Variants in ZDHHC11 observed in about 807,000 individuals in gnomAD.
ZDHHC11 encodes palmitoyltransferase ZDHHC11.
ZDHHC11 carries 44 observed loss-of-function variants against 51.3 expected under a neutral mutation model. The ratio of observed to expected loss-of-function variants is 0.86; its 90% CI spans 0.67 to 1.10. The LOEUF is 1.10. Among genes scored for constraint, ZDHHC11 ranks in the 50% least tolerant of loss-of-function variants. The pLI, the probability that ZDHHC11 is intolerant of heterozygous loss-of-function variation, is 0.00. For synonymous variants in ZDHHC11, 163 were observed against 222.0 expected, an observed-to-expected ratio of 0.73 and a Z score of 2.36; for missense variants, 400 against 537.7, an observed-to-expected ratio of 0.74 and a Z score of 2.53.
At position 813,345 on chromosome 5, in the gene ZDHHC11, A is replaced by T. The variant is rs1373048948; in HGVS notation, c.1181+1416T>A. On this transcript the variant is annotated intron_variant, in intron 11 of 12. Transcript: ENST00000283441. ...CCTGTCTCAAAAAAATAAAAAAATA[A>T]AAAAATAAATGTTCCTCCATGATCC... is the stretch of plus-strand genomic sequence containing the variant. 9.2e-5 allele frequency among the ~76,000 whole-genome samples: 13 copies of T among 142,052 alleles called. 5 individuals are homozygous for T. The highest frequency in any genetic ancestry group is 2.9e-4 in the Admixed American group (4 of 13,762). 93.2% of individuals were successfully genotyped at this position (142,052 alleles called of 152,430 possible).
intron 3 of ZDHHC11, among the ~76,000 whole-genome samples, chr5:844,695 C>T (rs1379746910): frequency 6.6e-6 from 1 of 152,310 alleles, no homozygotes; most frequent in African/African-American, 2.4e-5. Flanking sequence ...AAAGGGAACT[C>T]GGGCTGAGGA....
At chr5:843,025 T>A (rs1298482913) in intron 4 of ZDHHC11, among the ~76,000 whole-genome samples, 1 of 152,270 alleles carries the variant, frequency 6.6e-6, no homozygotes, top group Admixed American at 6.5e-5. Context: ...TTCCCGAGGA[T>A]GCTGGCATCA....
chr5:846,859 C>CGCCCATCTGCGCTG (rs1746287000), intron 3 of ZDHHC11, among the ~76,000 whole-genome samples: 1 of 144,384 alleles, frequency 6.9e-6, no homozygotes, highest in African/African-American at 2.7e-5. Context: ...AAACACCTCT[C>CGCCCATCTGCGCTG]GTTCTTGCAC....
Position 817,404 on chromosome 5 carries a change from A to C in ZDHHC11, c.1146+2121T>G, listed in dbSNP as rs1220126280. 2.6e-5 allele frequency among the ~76,000 whole-genome samples: 4 copies of C among 151,526 alleles called. 1 individual carries two copies. Among genetic ancestry groups the C allele is most frequent in the Non-Finnish European group, 5.9e-5 (4 of 67,732 alleles). ...TGTGTTTCCTTGAAGAATTCAGGAC[A>C]CAACTCCTTCCGTATGACAGCTTTC... is the stretch of plus-strand genomic sequence containing the variant. On this transcript the variant is annotated intron_variant, in intron 10 of 12. Coordinates refer to ENST00000283441, the MANE Select transcript of ZDHHC11 (RefSeq NM_024786.3).
chr5:820,140 C>T (rs1048732883), intron 9 of ZDHHC11, among the ~76,000 whole-genome samples: 7 of 151,298 alleles, frequency 4.6e-5, no homozygotes, highest in East Asian at 3.9e-4. Flanking sequence ...TTTGTAATTC[C>T]GGTTATAGTT....
At chr5:854,893 CA>C (rs1437913684), upstream of ZDHHC11, among the ~76,000 whole-genome samples, 2 of 141,914 alleles carry the variant, frequency 1.4e-5, no homozygotes, top group Non-Finnish European at 3.0e-5. Flanking sequence ...GATAGCAAGC[CA>C]GGGGGTCAGA....
Position 795,952 on chromosome 5 carries a change from G to T in ZDHHC11, c.*636C>A, listed in dbSNP as rs1737512898. 6.6e-6 allele frequency: 1 copy of T among 152,298 alleles called. No homozygotes were observed. The highest frequency in any genetic ancestry group is 1.5e-5 in the Non-Finnish European group (1 of 67,800). The allele number at this position is 152,298 out of a possible 1,614,324, so 9.4% of individuals were successfully genotyped here. A position where few individuals can be genotyped will look rare whatever the true frequency, so the allele number is the denominator to read the frequency against. On this transcript the variant is annotated 3_prime_UTR_variant, in exon 13 of 13. Transcript: ENST00000283441. ...CAGTACTGTGTGCTCCCATTTCTCA[G>T]TACTGTATGCCCATTTCCCAGTACT... is the stretch of plus-strand genomic sequence containing the variant.
chr5:855,444 G>A (rs76952334), upstream of ZDHHC11, among the ~76,000 whole-genome samples: 1 of 147,386 alleles, frequency 6.8e-6, no homozygotes, highest in Admixed American at 6.7e-5. Context: ...CAGCGAGCCA[G>A]GGGGCACAGA....
rs551763959 is a variant in ZDHHC11 at position 836,836 on chromosome 5, G to A, written c.900+529C>T. On this transcript the variant is annotated intron_variant, in intron 6 of 12. Transcript: ENST00000283441. ...AGCACTTTCGGAGGCCAAGGCGGGCGGATCACCTGAGGCCAGAAGTTTGAG... is the reference window on the plus strand; with the variant it reads ...AGCACTTTCGGAGGCCAAGGCGGGCAGATCACCTGAGGCCAGAAGTTTGAG... 1.0e-3 allele frequency among the ~76,000 whole-genome samples: 151 copies of A among 149,998 alleles called. 15 individuals are homozygous for A. Among genetic ancestry groups the A allele is most frequent in the African/African-American group, 3.5e-3 (143 of 40,684 alleles).
intron 10 of ZDHHC11, among the ~76,000 whole-genome samples, chr5:815,848 C>T (rs776806573): frequency 6.6e-6 from 1 of 151,546 alleles, no homozygotes; most frequent in African/African-American, 2.4e-5. Flanking sequence ...TCCAACCATC[C>T]TTCTGCCTCC....
At chr5:806,704 G>T (rs536952389) in intron 11 of ZDHHC11, among the ~76,000 whole-genome samples, 1 of 151,298 alleles carries the variant, frequency 6.6e-6, no homozygotes, top group African/African-American at 2.4e-5. Flanking sequence ...AGAGTCCAGT[G>T]GAAAAATGGA....
rs182040838 is a variant in ZDHHC11 at position 806,678 on chromosome 5, A to C, written c.1182-5514T>G. 7.4e-4 allele frequency among the ~76,000 whole-genome samples: 112 copies of C among 151,486 alleles called. 3 individuals carry two copies. Among genetic ancestry groups the C allele is most frequent in the African/African-American group, 2.7e-3 (111 of 41,294 alleles). ...AGAATATATAAAAACTCTATAAATC[A>C]ATAAGAAAAGCACAAAGAGTCCAGT... is the stretch of plus-strand genomic sequence containing the variant. On this transcript the variant is annotated intron_variant, in intron 11 of 12. Transcript: ENST00000283441.
At chr5:847,048 C>T (rs1450170504) in intron 3 of ZDHHC11, among the ~76,000 whole-genome samples, 6 of 140,324 alleles carry the variant, frequency 4.3e-5, no homozygotes, top group African/African-American at 1.2e-4. Flanking sequence ...AGGGGAAACA[C>T]CTCTCGTCTA....
intron 12 of ZDHHC11, among the ~76,000 whole-genome samples, chr5:798,486 A>T (rs1401603466): frequency 6.6e-6 from 1 of 150,610 alleles, no homozygotes; most frequent in Non-Finnish European, 1.5e-5. Context: ...TTGCCACATG[A>T]CTAGAACCTC....
At chr5:856,620 GAAGC>G (rs1748291049) in intron 1 of ZDHHC11, among the ~76,000 whole-genome samples, 1 of 148,914 alleles carries the variant, frequency 6.7e-6, no homozygotes, top group Non-Finnish European at 1.5e-5. Flanking sequence ...ATATGCAACA[GAAGC>G]AAAACACACA....
chr5:831,118 C>G (rs1265930955), intron 7 of ZDHHC11, among the ~76,000 whole-genome samples: 1 of 149,014 alleles, frequency 6.7e-6, no homozygotes, highest in African/African-American at 2.5e-5. Flanking sequence ...TAAATAGATG[C>G]AATTTAGCTT....
intron 1 of ZDHHC11, among the ~76,000 whole-genome samples, chr5:857,855 C>A (rs1369851433): frequency 3.4e-5 from 5 of 148,382 alleles, no homozygotes; most frequent in Admixed American, 1.3e-4. Flanking sequence ...TGACACCAGG[C>A]CCCCAGAGTC....
rs751209248 is a variant in ZDHHC11, at chr5:819,517, C to T, written c.1146+8G>A. ...TCCTCGGGGACAGCGCCAGTGATTGCAACTTACCTGTGCCATCGAGCCCCC... is the reference window on the plus strand; with the variant it reads ...TCCTCGGGGACAGCGCCAGTGATTGTAACTTACCTGTGCCATCGAGCCCCC... On this transcript the variant is annotated splice_region_variant and intron_variant, in intron 10 of 12. Transcript: ENST00000283441. The T allele has an allele frequency of 6.8e-6, 11 of 1,608,468 alleles. No individual in the cohort carries two copies. In the African/African-American group the frequency reaches 1.1e-4, roughly 16 times the overall value.
intron 8 of ZDHHC11, chr5:824,146 T>C (rs999253226): frequency 2.2e-6 from 1 of 449,792 alleles, no homozygotes; most frequent in Non-Finnish European, 4.5e-6. Context: ...GCTGGCCCCA[T>C]GACAAAACCT....
Sources: allele counts gnomAD v4.1 joint callset (sites outside exome capture counted in the v4.1 genomes callset), GRCh38; gene constraint gnomAD v4.1.1; transcripts MANE v1.5; gene names NCBI Gene and HGNC (gene_info 2026-07-23, HGNC 2026-07-21).